TBC1D22A: variants seen among roughly 807,000 people sequenced by gnomAD.
The protein encoded by TBC1D22A is TBC1 domain family member 22A, also known as putative GTPase activator.
Under a neutral mutation model 60.2 loss-of-function variants are expected in TBC1D22A, and 38 were observed. The ratio of observed to expected loss-of-function variants is 0.63; its 90% CI spans 0.49 to 0.83. TBC1D22A has a LOEUF of 0.83. Ranked by LOEUF, TBC1D22A falls within the 40% of genes least tolerant of loss-of-function variation. The pLI is 0.00. For missense variants in TBC1D22A, 628 were observed against 701.0 expected (o/e 0.90, Z 1.18); for synonymous variants, 302 against 281.7 (o/e 1.07, Z -0.72).
intron 4 of TBC1D22A, among the ~76,000 whole-genome samples, chr22:46,825,024 C>T (rs1389563408): frequency 1.3e-5 from 2 of 151,962 alleles, no homozygotes; most frequent in Non-Finnish European, 2.9e-5. Context: ...CCTGGCCTGC[C>T]CAGCATTCTT....
At chr22:47,033,393 G>T (rs554523902) in intron 10 of TBC1D22A, among the ~76,000 whole-genome samples, 1 of 152,208 alleles carries the variant, frequency 6.6e-6, no homozygotes, top group Non-Finnish European at 1.5e-5. Context: ...AGAGGAGGAC[G>T]GCCAGGCTGG....
At chr22:47,062,634 G>T (rs781166722) in intron 11 of TBC1D22A, among the ~76,000 whole-genome samples, 1 of 152,114 alleles carries the variant, frequency 6.6e-6, no homozygotes, top group Non-Finnish European at 1.5e-5. Flanking sequence ...GTGCAGCTTC[G>T]TGTGGAAAAG....
chr22:46,913,551 C>T (rs994997223), intron 8 of TBC1D22A: 7 of 1,211,688 alleles, frequency 5.8e-6, no homozygotes, highest in Admixed American at 3.1e-5. Context: ...CGGCTCACTC[C>T]CTAATCATCT....
intron 10 of TBC1D22A, among the ~76,000 whole-genome samples, chr22:47,034,038 G>A (rs532829143): frequency 1.3e-5 from 2 of 152,306 alleles, no homozygotes; most frequent in Non-Finnish European, 1.5e-5. Flanking sequence ...GGGCCCCTCG[G>A]CAGCACCGTT....
chr22:47,050,962 G>A (rs2063192753), intron 11 of TBC1D22A, among the ~76,000 whole-genome samples: 2 of 152,172 alleles, frequency 1.3e-5, no homozygotes, highest in Non-Finnish European at 2.9e-5. Context: ...GGGTGGCGGG[G>A]GCAGTCGCGG....
At chr22:46,948,522 G>T (rs550617884) in intron 8 of TBC1D22A, among the ~76,000 whole-genome samples, 1 of 152,142 alleles carries the variant, frequency 6.6e-6, no homozygotes, top group African/African-American at 2.4e-5. Flanking sequence ...ATCCCCCCAC[G>T]GTGGGTTTCT....
Position 47,132,811 on chromosome 22 carries a change from AGGAAACTCCCGAGTGTCCGC to A in TBC1D22A, c.1425+21215_1425+21234del, listed in dbSNP as rs533620063. 5.8e-3 allele frequency among the ~76,000 whole-genome samples: 885 copies of A among 152,358 alleles called. 9 individuals are homozygous for A. The highest frequency in any genetic ancestry group is 0.014 in the Middle Eastern group (4 of 294). ...AAGGCGGGCTGTTTGCTGGGGATGC[AGGAAACTCCCGAGTGTCCGC>A]GGAAACGCCATGTGATCTAAATGGC... is the stretch of plus-strand genomic sequence containing the variant. On this transcript the variant is annotated intron_variant, in intron 12 of 12. Transcript: ENST00000337137.
At chr22:46,811,032 G>A (rs1335711882) in intron 4 of TBC1D22A, among the ~76,000 whole-genome samples, 1 of 152,224 alleles carries the variant, frequency 6.6e-6, no homozygotes, top group Non-Finnish European at 1.5e-5. Context: ...TCCATCATGC[G>A]GCTGTCATCC....
chr22:47,162,164 TATATG>T (rs1350449961), intron 12 of TBC1D22A, among the ~76,000 whole-genome samples: 1 of 152,052 alleles, frequency 6.6e-6, no homozygotes, highest in Non-Finnish European at 1.5e-5. Flanking sequence ...TGTATATAAA[TATATG>T]AGAGCTACCG....
intron 9 of TBC1D22A, among the ~76,000 whole-genome samples, chr22:46,974,844 G>T (rs762597480): frequency 4.6e-5 from 7 of 152,254 alleles, no homozygotes; most frequent in Non-Finnish European, 1.0e-4. Flanking sequence ...CTCCAGGTGC[G>T]TGGGGCGCTG....
At chr22:46,865,351 C>A (rs930338168) in intron 4 of TBC1D22A, among the ~76,000 whole-genome samples, 1 of 152,154 alleles carries the variant, frequency 6.6e-6, no homozygotes, top group African/African-American at 2.4e-5. Flanking sequence ...TTGACATATA[C>A]CTTACTTGGT....
Position 46,974,216 on chromosome 22 carries a change from C to T in TBC1D22A, c.1016-74C>T, listed in dbSNP as rs540348759. Reference sequence around the variant, plus strand: ...TGGATGCAGGCTCAGCTCTGTTCCTCCGTGGGCCCCCTCGTGGGTCGAGGT... The same window carrying T: ...TGGATGCAGGCTCAGCTCTGTTCCTTCGTGGGCCCCCTCGTGGGTCGAGGT... On this transcript the variant is annotated intron_variant, in intron 8 of 12. Transcript: ENST00000337137. The T allele has an allele frequency of 6.9e-5, 89 of 1,281,416 alleles. No homozygotes were observed. The African/African-American group carries it at 1.2e-3, about 17-fold the overall frequency. The allele number at this position is 1,281,416 out of a possible 1,614,324, so 79.4% of individuals were successfully genotyped here. A position where few individuals can be genotyped will look rare whatever the true frequency, so the allele number is the denominator to read the frequency against.
At chr22:46,980,383 A>G (rs1007839712) in intron 9 of TBC1D22A, among the ~76,000 whole-genome samples, 2 of 152,088 alleles carry the variant, frequency 1.3e-5, no homozygotes, top group South Asian at 4.2e-4. Flanking sequence ...GGGTTTCACC[A>G]TGTTGGCCAG....
intron 8 of TBC1D22A, among the ~76,000 whole-genome samples, chr22:46,970,692 T>TA: frequency 6.6e-6 from 1 of 152,304 alleles, no homozygotes; most frequent in Non-Finnish European, 1.5e-5. Flanking sequence ...GGTCTTGGGT[T>TA]AAAATCTGTC....
chr22:46,792,989 G>A (rs1186526607), intron 2 of TBC1D22A, among the ~76,000 whole-genome samples: 1 of 152,280 alleles, frequency 6.6e-6, no homozygotes, highest in Non-Finnish European at 1.5e-5. Flanking sequence ...TGTGGGGCTT[G>A]TGCTGGGCTG....
At chr22:47,160,799 C>T (rs914880625) in intron 12 of TBC1D22A, among the ~76,000 whole-genome samples, 6 of 152,154 alleles carry the variant, frequency 3.9e-5, no homozygotes, top group Non-Finnish European at 7.3e-5. Flanking sequence ...ATGATAAAAA[C>T]GGGCAGGAGA....
At chr22:46,798,580 C>G (rs1195264951) in intron 4 of TBC1D22A, among the ~76,000 whole-genome samples, 2 of 152,238 alleles carry the variant, frequency 1.3e-5, no homozygotes, top group Non-Finnish European at 1.5e-5. Flanking sequence ...GAATCCACGT[C>G]CTTCCTTTCC....
At chr22:46,789,888 C>T (rs1451403178) in intron 1 of TBC1D22A, among the ~76,000 whole-genome samples, 1 of 152,152 alleles carries the variant, frequency 6.6e-6, no homozygotes, top group East Asian at 1.9e-4. Flanking sequence ...ATTGAACTAG[C>T]ACACGGCAAT....
At chr22:46,971,892 G>A (rs1206285644) in intron 8 of TBC1D22A, among the ~76,000 whole-genome samples, 1 of 152,234 alleles carries the variant, frequency 6.6e-6, no homozygotes, top group Non-Finnish European at 1.5e-5. Flanking sequence ...TTTGAGACCA[G>A]ACACCTTGCC....
Sources: gnomAD v4.1 joint callset for allele counts (sites outside exome capture counted in the v4.1 genomes callset) on GRCh38, gnomAD v4.1.1 for gene constraint, MANE v1.5 for transcripts, NCBI Gene and HGNC (gene_info 2026-07-23, HGNC 2026-07-21) for gene names.